The following LRRC69 variants were observed in gnomAD, a reference collection of about 807,000 sequenced individuals.
The protein encoded by LRRC69 is leucine-rich repeat-containing protein 69.
Under a neutral mutation model 37.8 loss-of-function variants are expected in LRRC69, and 42 were observed. That is an observed-to-expected ratio of 1.11 (90% confidence interval 0.87 to 1.44). LRRC69 has a LOEUF of 1.44. LRRC69 is among the 40% of genes most tolerant of loss of function. The pLI, the probability that LRRC69 is intolerant of heterozygous loss-of-function variation, is 0.00. For missense variants in LRRC69, 357 were observed against 401.9 expected (o/e 0.89, Z 0.96); for synonymous variants, 141 against 143.1 (o/e 0.99, Z 0.11).
At chr8:91,188,510 A>C (rs1483456450) in intron 5 of LRRC69, among the ~76,000 whole-genome samples, 1 of 152,168 alleles carries the variant, frequency 6.6e-6, no homozygotes, top group Non-Finnish European at 1.5e-5. Context: ...CTCACTGCAA[A>C]TTGAGGCTTT....
intron 5 of LRRC69, among the ~76,000 whole-genome samples, chr8:91,142,659 T>A (rs944534859): frequency 6.6e-6 from 1 of 151,982 alleles, no homozygotes; most frequent in Admixed American, 6.6e-5. Context: ...GCATTTCTGT[T>A]ATGTTCTTTG....
chr8:91,156,481 T>TC (rs1808837302), intron 5 of LRRC69, among the ~76,000 whole-genome samples: 1 of 150,832 alleles, frequency 6.6e-6, no homozygotes, highest in South Asian at 2.1e-4. Context: ...TAATCACTTG[T>TC]AGGATGAATG....
At chr8:91,103,384 A>G (rs949523394) in intron 1 of LRRC69, among the ~76,000 whole-genome samples, 1 of 152,058 alleles carries the variant, frequency 6.6e-6, no homozygotes, top group Non-Finnish European at 1.5e-5. Flanking sequence ...CTTTAAAGGA[A>G]GTTTAATATT....
At chr8:91,160,995 T>C (rs1808932493) in intron 5 of LRRC69, among the ~76,000 whole-genome samples, 1 of 151,360 alleles carries the variant, frequency 6.6e-6, no homozygotes, top group Non-Finnish European at 1.5e-5. Context: ...TGAGAGTTTT[T>C]ATCATGACAA....
At chr8:91,150,497 T>C (rs188870665) in intron 5 of LRRC69, among the ~76,000 whole-genome samples, 8,234 of 152,072 alleles carry the variant, frequency 0.054, 301 homozygotes, top group African/African-American at 0.093. Flanking sequence ...CAGTATTTTA[T>C]TGAGGATTTT....
chr8:91,205,932 T>C (rs1183205448), intron 7 of LRRC69, among the ~76,000 whole-genome samples: 1 of 152,186 alleles, frequency 6.6e-6, no homozygotes, highest in Non-Finnish European at 1.5e-5. Context: ...GAAATGTCTT[T>C]GTCAAAGTTG....
chr8:91,159,131 C>A (rs1444123403), intron 5 of LRRC69, among the ~76,000 whole-genome samples: 1 of 151,088 alleles, frequency 6.6e-6, no homozygotes, highest in Non-Finnish European at 1.5e-5. Flanking sequence ...ATTGCCTTCC[C>A]ATTGATCCTT....
At chr8:91,103,399 A>G (rs1037206065) in intron 1 of LRRC69, among the ~76,000 whole-genome samples, 1 of 152,034 alleles carries the variant, frequency 6.6e-6, no homozygotes, top group Admixed American at 6.6e-5. Context: ...AATATTTTAA[A>G]TAAAAAATAT....
intron 7 of LRRC69, among the ~76,000 whole-genome samples, chr8:91,207,679 C>T (rs1230103797): frequency 6.6e-6 from 1 of 152,148 alleles, no homozygotes; most frequent in Non-Finnish European, 1.5e-5. Context: ...TAGGCAGTTG[C>T]CTGTGCAGAG....
chr8:91,131,615 T>G (rs1315787747), intron 3 of LRRC69, among the ~76,000 whole-genome samples: 1 of 151,994 alleles, frequency 6.6e-6, no homozygotes, highest in African/African-American at 2.4e-5. Context: ...CATGAAGGTT[T>G]TTTTATACAT....
At chr8:91,137,437 C>G (rs1278349025) in intron 5 of LRRC69, among the ~76,000 whole-genome samples, 3 of 151,684 alleles carry the variant, frequency 2.0e-5, no homozygotes, top group Non-Finnish European at 4.4e-5. Context: ...CTCTTTTTTT[C>G]CTCTATACCT....
At chr8:91,172,288 G>C (rs1260065077) in intron 5 of LRRC69, among the ~76,000 whole-genome samples, 1 of 151,936 alleles carries the variant, frequency 6.6e-6, no homozygotes, top group Non-Finnish European at 1.5e-5. Flanking sequence ...AAGTGTAAAT[G>C]CTATCTCAAA....
At chr8:91,144,646 A>G (rs1373340383) in intron 5 of LRRC69, among the ~76,000 whole-genome samples, 2 of 151,802 alleles carry the variant, frequency 1.3e-5, no homozygotes, top group African/African-American at 2.4e-5. Flanking sequence ...GGATATTTTT[A>G]ATTTAAAAGG....
chr8:91,195,058 G>T (rs1415619530), intron 6 of LRRC69, among the ~76,000 whole-genome samples: 1 of 152,094 alleles, frequency 6.6e-6, no homozygotes, highest in Non-Finnish European at 1.5e-5. Flanking sequence ...TGTTCTCATT[G>T]GTTTCAAAGA....
At chr8:91,148,979 A>AT (rs761828294) in intron 5 of LRRC69, among the ~76,000 whole-genome samples, 9 of 151,648 alleles carry the variant, frequency 5.9e-5, no homozygotes, top group African/African-American at 9.7e-5. Flanking sequence ...GATTCTGGAT[A>AT]TTAGCCCTTT....
chr8:91,139,386 A>G lies in LRRC69; in HGVS notation c.651+3647A>G, dbSNP rs866868110. On this transcript the variant is annotated intron_variant, in intron 5 of 7. Transcript: ENST00000448384. ...TAAACCCCATCTCTACTAAAAATAC[A>G]AAAAAATTAGCAGGGCGTGGTGGCG... Among the ~76,000 whole-genome samples the G allele has an allele frequency of 1.1e-4, 17 of 152,008 alleles. No individual in the cohort carries two copies. The Middle Eastern group carries it at 0.01, about 91-fold the overall frequency.
At chr8:91,167,676 T>C (rs1809053428) in intron 5 of LRRC69, among the ~76,000 whole-genome samples, 1 of 151,924 alleles carries the variant, frequency 6.6e-6, no homozygotes, top group Non-Finnish European at 1.5e-5. Context: ...ATAATGTAAA[T>C]ACTCCCACCA....
intron 5 of LRRC69, among the ~76,000 whole-genome samples, chr8:91,168,760 A>C (rs1023234128): frequency 1.3e-5 from 2 of 151,846 alleles, no homozygotes; most frequent in Admixed American, 1.3e-4. Context: ...TTAATATAGC[A>C]AGCCAGGCCA....
chr8:91,116,352 G>A (rs1294173387), intron 1 of LRRC69, among the ~76,000 whole-genome samples: 2 of 151,958 alleles, frequency 1.3e-5, no homozygotes, highest in East Asian at 1.9e-4. Context: ...AGGAATTTGA[G>A]TGACTTGCCC....
Sources: allele counts gnomAD v4.1 joint callset (sites outside exome capture counted in the v4.1 genomes callset), GRCh38; gene constraint gnomAD v4.1.1; transcripts MANE v1.5; gene names NCBI Gene and HGNC (gene_info 2026-07-23, HGNC 2026-07-21).